The following POU2AF2 variants were observed in gnomAD, a reference collection of about 807,000 sequenced individuals.
POU2AF2 encodes the protein POU domain class 2-associating factor 2.
chr11:111,247,660 G>A, the POU2AF2 span, among the ~76,000 whole-genome samples: 4 of 151,516 alleles, frequency 2.6e-5, no homozygotes, highest in Non-Finnish European at 4.4e-5. Context: ...GGTGGCGGGC[G>A]CCTATAGTAC....
the POU2AF2 span, among the ~76,000 whole-genome samples, chr11:111,251,507 C>G: frequency 6.6e-6 from 1 of 152,198 alleles, no homozygotes; most frequent in Admixed American, 6.5e-5. Flanking sequence ...AACTCGATTA[C>G]ATCTATATGG....
the POU2AF2 span, chr11:111,281,424 AT>A: frequency 6.2e-7 from 1 of 1,613,788 alleles, no homozygotes. Flanking sequence ...CTCAGTCTCC[AT>A]TTGTGCAGAT....
chr11:111,270,618 T>A, the POU2AF2 span, among the ~76,000 whole-genome samples: 1 of 152,194 alleles, frequency 6.6e-6, no homozygotes, highest in East Asian at 1.9e-4. Flanking sequence ...TTAAATTAAG[T>A]CATATAAAAA....
At chr11:111,276,451 A>ATATATATAT in the POU2AF2 span, among the ~76,000 whole-genome samples, 46 of 41,916 alleles carry the variant, frequency 1.1e-3, no homozygotes, top group East Asian at 1.7e-3. Flanking sequence ...AAAAAAAAAA[A>ATATATATAT]AAATATATAT....
At chr11:111,268,480 T>TC in the POU2AF2 span, among the ~76,000 whole-genome samples, 1 of 23,976 alleles carries the variant, frequency 4.2e-5, no homozygotes, top group Non-Finnish European at 8.1e-5. Flanking sequence ...TTTTCTTTTT[T>TC]TATTTTATTT....
the POU2AF2 span, among the ~76,000 whole-genome samples, chr11:111,246,623 G>A: frequency 6.6e-6 from 1 of 152,148 alleles, no homozygotes; most frequent in South Asian, 2.1e-4. Context: ...TAAGAAGATA[G>A]AAAGAGCTCT....
At chr11:111,252,964 A>G in the POU2AF2 span, among the ~76,000 whole-genome samples, 5 of 152,256 alleles carry the variant, frequency 3.3e-5, no homozygotes, top group Admixed American at 6.5e-5. Context: ...GGTAAGCTCA[A>G]TGCCAACCAC....
At chr11:111,272,010 T>C in the POU2AF2 span, among the ~76,000 whole-genome samples, 1 of 152,098 alleles carries the variant, frequency 6.6e-6, no homozygotes, top group East Asian at 1.9e-4. Context: ...AGAGTGAAAC[T>C]CCATCTCAAA....
the POU2AF2 span, chr11:111,281,581 C>T: frequency 6.1e-4 from 563 of 922,264 alleles, 1 homozygote; most frequent in Non-Finnish European, 7.0e-4. Flanking sequence ...ACAAAATCAG[C>T]GAAGGACAGA....
At chr11:111,284,353 C>A in the POU2AF2 span, 1 of 1,608,132 alleles carries the variant, frequency 6.2e-7, no homozygotes, top group African/African-American at 1.3e-5. Flanking sequence ...CGCCCTTCCC[C>A]GGAGACCCAG....
At chr11:111,285,741 C>T in the POU2AF2 span, 55 of 1,613,518 alleles carry the variant, frequency 3.4e-5, no homozygotes, top group Middle Eastern at 3.3e-4. Flanking sequence ...CCACCCAGCA[C>T]GAGTTGCCTC....
the POU2AF2 span, chr11:111,281,404 G>C: frequency 6.2e-7 from 1 of 1,612,176 alleles, no homozygotes. Context: ...CCAGGGCAGC[G>C]TCAGTTCCTC....
chr11:111,247,189 C>CAGAGAG, the POU2AF2 span, among the ~76,000 whole-genome samples: 367 of 34,394 alleles, frequency 0.011, no homozygotes, highest in Middle Eastern at 0.022. Flanking sequence ...CATACACACA[C>CAGAGAG]ACAGAGAGAG....
chr11:111,260,863 C>A, the POU2AF2 span, among the ~76,000 whole-genome samples: 1 of 152,218 alleles, frequency 6.6e-6, no homozygotes, highest in Admixed American at 6.5e-5. Context: ...GATAGGCATA[C>A]TTCAGGAAGT....
At chr11:111,285,920 G>A in the POU2AF2 span, 1 of 1,613,870 alleles carries the variant, frequency 6.2e-7, no homozygotes, top group Non-Finnish European at 8.5e-7. Flanking sequence ...GGTGTCAAAT[G>A]ACCTACCGCC....
the POU2AF2 span, among the ~76,000 whole-genome samples, chr11:111,248,884 G>A: frequency 2.2e-4 from 34 of 152,220 alleles, no homozygotes; most frequent in Non-Finnish European, 4.4e-4. Context: ...TTCAGAATAC[G>A]TGTTTGATTT....
At chr11:111,249,190 A>C in the POU2AF2 span, among the ~76,000 whole-genome samples, 695 of 152,292 alleles carry the variant, frequency 4.6e-3, 4 homozygotes, top group African/African-American at 0.016. Flanking sequence ...TTGAATAAAA[A>C]CTCTTAAGCT....
chr11:111,284,816 C>T, the POU2AF2 span, among the ~76,000 whole-genome samples: 6 of 152,196 alleles, frequency 3.9e-5, no homozygotes, highest in African/African-American at 1.2e-4. Context: ...TTTCCAAGTC[C>T]CCTGCCTCCC....
At chr11:111,256,873 TA>T in the POU2AF2 span, among the ~76,000 whole-genome samples, 4 of 152,102 alleles carry the variant, frequency 2.6e-5, no homozygotes, top group Non-Finnish European at 5.9e-5. Context: ...AGAGATAACT[TA>T]AAAAAAATCT....
Sources: gnomAD v4.1 joint callset for allele counts (sites outside exome capture counted in the v4.1 genomes callset) on GRCh38, gnomAD v4.1.1 for gene constraint, MANE v1.5 for transcripts, NCBI Gene and HGNC (gene_info 2026-07-23, HGNC 2026-07-21) for gene names.